The following MAP2K4 variants were observed in gnomAD, a reference collection of about 807,000 sequenced individuals.
MAP2K4 encodes the protein mitogen-activated protein kinase kinase 4, also known as dual specificity mitogen-activated protein kinase kinase 4.
MAP2K4 carries 4 observed loss-of-function variants against 48.5 expected under a neutral mutation model. The ratio of observed to expected loss-of-function variants is 0.08; its 90% CI spans 0.04 to 0.19. The LOEUF (loss-of-function observed/expected upper bound fraction) is 0.19, where lower values mean the gene tolerates loss of function less well. Among genes scored for constraint, MAP2K4 ranks in the 10% least tolerant of loss-of-function variants. The pLI, the probability that MAP2K4 is intolerant of heterozygous loss-of-function variation, is 1.00. For synonymous variants in MAP2K4, 166 were observed against 173.1 expected (o/e 0.96, Z 0.32); for missense variants, 258 against 493.3 (o/e 0.52, Z 4.52).
intron 8 of MAP2K4, among the ~76,000 whole-genome samples, chr17:12,127,733 C>T (rs892012008): frequency 1.3e-5 from 2 of 152,050 alleles, no homozygotes; most frequent in African/African-American, 4.8e-5. Context: ...TGTGAATAAC[C>T]AGGAAGGTTT....
chr17:12,028,914 C>G (rs544216791), intron 1 of MAP2K4, among the ~76,000 whole-genome samples: 1 of 152,244 alleles, frequency 6.6e-6, no homozygotes, highest in African/African-American at 2.4e-5. Context: ...TTTTCAAACC[C>G]TTAAGATAAT....
At chr17:12,089,070 C>T (rs1971477534) in intron 3 of MAP2K4, among the ~76,000 whole-genome samples, 1 of 152,018 alleles carries the variant, frequency 6.6e-6, no homozygotes, top group African/African-American at 2.4e-5. Context: ...CGCCACCACG[C>T]CTGGCTAATT....
intron 7 of MAP2K4, 64 bp downstream of exon 7, chr17:12,113,424 T>G: frequency 6.4e-7 from 1 of 1,571,560 alleles, no homozygotes; most frequent in Admixed American, 1.7e-5. Context: ...TGCTCTTTTG[T>G]GCTGGCCATT....
At position 12,134,615 on chromosome 17, in the gene MAP2K4, T is replaced by A. The variant is rs1031297109; in HGVS notation, c.1041-5224T>A. 3.3e-5 allele frequency among the ~76,000 whole-genome samples: 5 copies of A among 152,232 alleles called. No homozygotes were observed. In the East Asian group the frequency reaches 9.6e-4, roughly 29 times the overall value. On this transcript the variant is annotated intron_variant, in intron 9 of 10. Transcript: ENST00000353533. ...GACAAAGAATTAAAATTAAAATTCC[T>A]TCTACTTGAAGAATAACTCAAGTTC...
chr17:12,141,269 CT>C lies in MAP2K4; in HGVS notation c.*10del. The C allele has an allele frequency of 6.4e-7, 1 of 1,564,266 alleles. No homozygotes were observed. Among genetic ancestry groups the C allele is most frequent in the Non-Finnish European group, 8.8e-7 (1 of 1,134,800 alleles). ...CCATGTATGTCGATTGATATCGCTG[CT>C]ACATCAGACTCTAGAAAAAAGGGCT... is the stretch of plus-strand genomic sequence containing the variant. On this transcript the variant is annotated 3_prime_UTR_variant, in exon 11 of 11. Transcript: ENST00000353533.
chr17:12,143,344 A>G lies in MAP2K4; in HGVS notation c.*2084A>G, dbSNP rs1287314201. On this transcript the variant is annotated 3_prime_UTR_variant, in exon 11 of 11. Coordinates refer to ENST00000353533, the MANE Select transcript of MAP2K4 (RefSeq NM_003010.4). Reference sequence around the variant, plus strand: ...CCACATAAGAAGGCAATTTTAGTGTATTAATCATAGATTATTATAAACTAT... The same window carrying G: ...CCACATAAGAAGGCAATTTTAGTGTGTTAATCATAGATTATTATAAACTAT... The G allele has an allele frequency of 4.3e-6, 1 of 232,728 alleles. No individual in the cohort carries two copies. Among genetic ancestry groups the G allele is most frequent in the African/African-American group, 2.2e-5 (1 of 45,336 alleles). 14.4% of individuals were successfully genotyped at this position (232,728 alleles called of 1,614,324 possible). A position where few individuals can be genotyped will look rare whatever the true frequency, so the allele number is the denominator to read the frequency against.
chr17:12,088,911 CTTT>C (rs5819350), intron 3 of MAP2K4, among the ~76,000 whole-genome samples: 7 of 128,208 alleles, frequency 5.5e-5, no homozygotes, highest in Admixed American at 8.1e-5. Flanking sequence ...AATACAGATT[CTTT>C]TTTTTTTTTT....
At chr17:12,060,267 G>A (rs1481674688) in intron 2 of MAP2K4, among the ~76,000 whole-genome samples, 1 of 152,070 alleles carries the variant, frequency 6.6e-6, no homozygotes, top group Non-Finnish European at 1.5e-5. Context: ...CTGTGTCCTT[G>A]ACTTTATCAC....
chr17:12,065,397 G>T (rs935799654), intron 2 of MAP2K4, among the ~76,000 whole-genome samples: 6 of 150,504 alleles, frequency 4.0e-5, no homozygotes, highest in Non-Finnish European at 3.0e-5. Flanking sequence ...CTACTGGGTT[G>T]AAGTGATTCT....
At chr17:12,076,489 A>G (rs1180004401) in intron 2 of MAP2K4, among the ~76,000 whole-genome samples, 2 of 152,230 alleles carry the variant, frequency 1.3e-5, no homozygotes, top group African/African-American at 4.8e-5. Flanking sequence ...GAAGGACTTC[A>G]CTGCAAACAT....
intron 9 of MAP2K4, among the ~76,000 whole-genome samples, chr17:12,130,114 T>A (rs1015938926): frequency 6.6e-6 from 1 of 152,180 alleles, no homozygotes; most frequent in African/African-American, 2.4e-5. Context: ...CATAATTTTT[T>A]CCTGCTAAGA....
At chr17:12,092,673 G>C (rs1971599508) in intron 3 of MAP2K4, among the ~76,000 whole-genome samples, 3 of 152,156 alleles carry the variant, frequency 2.0e-5, no homozygotes, top group Admixed American at 6.5e-5. Flanking sequence ...TTTTGAAATA[G>C]TTTATTAATT....
At chr17:12,119,173 T>C (rs935212593) in intron 7 of MAP2K4, among the ~76,000 whole-genome samples, 7 of 152,204 alleles carry the variant, frequency 4.6e-5, no homozygotes, top group African/African-American at 1.7e-4. Context: ...GTGCACATTC[T>C]GCATATCAAA....
intron 1 of MAP2K4, 31 bp downstream of exon 1, chr17:12,021,032 C>A (rs1049867251): frequency 3.8e-5 from 45 of 1,172,240 alleles, no homozygotes; most frequent in Non-Finnish European, 4.8e-5. Context: ...GAGATCCCAG[C>A]CCCCTAGCGC....
At position 12,121,545 on chromosome 17, in the gene MAP2K4, A is replaced by G. The variant is rs552598260; in HGVS notation, c.814-3749A>G. Among the ~76,000 whole-genome samples, 13 of 147,208 alleles carry G rather than the reference A, an allele frequency of 8.8e-5. No homozygotes were observed. The Admixed American group carries it at 9.0e-4, about 10-fold the overall frequency. ...AGCCGAGATCGCGCCACTGCACTCC[A>G]GCCTGGGTGACAGAGCGAGACTCCG... On this transcript the variant is annotated intron_variant, in intron 7 of 10. Coordinates refer to ENST00000353533, the MANE Select transcript of MAP2K4 (RefSeq NM_003010.4).
At chr17:12,104,172 G>A (rs1020727074) in intron 4 of MAP2K4, among the ~76,000 whole-genome samples, 1 of 152,136 alleles carries the variant, frequency 6.6e-6, no homozygotes, top group Non-Finnish European at 1.5e-5. Flanking sequence ...TTACTTTATA[G>A]TTTCAGTTGT....
Position 12,096,092 on chromosome 17 carries a change from G to A in MAP2K4, c.513+398G>A, listed in dbSNP as rs923620206. On this transcript the variant is annotated intron_variant, in intron 4 of 10. Transcript: ENST00000353533. Reference sequence around the variant, plus strand: ...TCCCCCCCCCCCCCCCCCCCCCGCCGCCAACTTTATATTTTAACTTTTACT... The same window carrying A: ...TCCCCCCCCCCCCCCCCCCCCCGCCACCAACTTTATATTTTAACTTTTACT... Among the ~76,000 whole-genome samples the A allele has an allele frequency of 8.8e-4, 21 of 23,878 alleles. 1 individual carries two copies. The highest frequency in any genetic ancestry group is 2.1e-3 in the Admixed American group (4 of 1,932). The allele number at this position is 23,878 out of a possible 152,430, so 15.7% of individuals were successfully genotyped here. A position where few individuals can be genotyped will look rare whatever the true frequency, so the allele number is the denominator to read the frequency against.
intron 3 of MAP2K4, among the ~76,000 whole-genome samples, chr17:12,082,921 A>C (rs1440536015): frequency 1.3e-5 from 2 of 152,212 alleles, no homozygotes; most frequent in African/African-American, 4.8e-5. Flanking sequence ...GTGCCACTGC[A>C]GTGTAAGTGG....
chr17:12,137,629 G>A (rs1323968063), intron 9 of MAP2K4, among the ~76,000 whole-genome samples: 1 of 152,088 alleles, frequency 6.6e-6, no homozygotes, highest in Non-Finnish European at 1.5e-5. Context: ...AGAGTTAGAG[G>A]TTCTAAGATG....
Sources: allele counts gnomAD v4.1 joint callset (sites outside exome capture counted in the v4.1 genomes callset), GRCh38; gene constraint gnomAD v4.1.1; transcripts MANE v1.5; gene names NCBI Gene and HGNC (gene_info 2026-07-23, HGNC 2026-07-21).